The following NTM variants were observed in gnomAD, a reference collection of about 807,000 sequenced individuals.
The protein encoded by NTM is IgLON family member 2.
Under a neutral mutation model 42.1 loss-of-function variants are expected in NTM, and 13 were observed. That is an observed-to-expected ratio of 0.31 (90% CI 0.20 to 0.49). The LOEUF is 0.49. Among genes scored for constraint, NTM ranks in the 20% least tolerant of loss-of-function variants. The probability of loss-of-function intolerance (pLI) is 0.99; values close to 1 mark genes in which losing one functional copy is unlikely to be tolerated. For synonymous variants in NTM, 187 were observed against 179.2 expected (o/e 1.04, Z -0.35); for missense variants, 373 against 452.8 (o/e 0.82, Z 1.60).
At chr11:131,969,997 C>T (rs978198367) in intron 2 of NTM, among the ~76,000 whole-genome samples, 3 of 152,116 alleles carry the variant, frequency 2.0e-5, no homozygotes, top group African/African-American at 7.2e-5. Context: ...TTTTTATGGA[C>T]ATGACGTCTC....
At chr11:131,381,413 G>A (rs1018058464) in intron 1 of NTM, among the ~76,000 whole-genome samples, 3 of 152,130 alleles carry the variant, frequency 2.0e-5, no homozygotes, top group Non-Finnish European at 4.4e-5. Flanking sequence ...GGTGATACAC[G>A]AATATTTATA....
chr11:131,990,859 T>A (rs2066895226), intron 2 of NTM, among the ~76,000 whole-genome samples: 1 of 152,194 alleles, frequency 6.6e-6, no homozygotes, highest in Non-Finnish European at 1.5e-5. Flanking sequence ...TCCACATATA[T>A]GTTCTATTAA....
chr11:132,250,994 G>A (rs985910957), intron 4 of NTM, among the ~76,000 whole-genome samples: 1 of 152,148 alleles, frequency 6.6e-6, no homozygotes, highest in Non-Finnish European at 1.5e-5. Context: ...TAAAATGAAA[G>A]CACCTTCCCT....
intron 1 of NTM, among the ~76,000 whole-genome samples, chr11:131,784,796 A>T (rs2088838751): frequency 6.6e-6 from 1 of 152,238 alleles, no homozygotes; most frequent in African/African-American, 2.4e-5. Flanking sequence ...TAGAGAGTTC[A>T]CAATCGTTCT....
chr11:132,181,955 T>TTTTTTATTA (rs375282575), intron 3 of NTM, among the ~76,000 whole-genome samples: 1 of 141,018 alleles, frequency 7.1e-6, no homozygotes, highest in Non-Finnish European at 1.5e-5. Flanking sequence ...CACTATCTAG[T>TTTTTTATTA]TTATTATTAT....
chr11:131,492,557 C>T (rs549884699), intron 1 of NTM, among the ~76,000 whole-genome samples: 7 of 152,290 alleles, frequency 4.6e-5, no homozygotes, highest in African/African-American at 1.7e-4. Flanking sequence ...CACACTCTCT[C>T]CTGCACAAGC....
intron 1 of NTM, among the ~76,000 whole-genome samples, chr11:131,648,842 C>T (rs531956958): frequency 6.6e-6 from 1 of 152,264 alleles, no homozygotes; most frequent in Non-Finnish European, 1.5e-5. Context: ...TCATATATTG[C>T]ATATTTCTCT....
At chr11:132,174,117 A>G (rs952845378) in intron 3 of NTM, among the ~76,000 whole-genome samples, 1 of 152,116 alleles carries the variant, frequency 6.6e-6, no homozygotes, top group Admixed American at 6.6e-5. Context: ...GACAAAATTT[A>G]TGTCTTAATG....
chr11:131,430,702 T>G (rs2135907097), intron 1 of NTM, among the ~76,000 whole-genome samples: 1 of 152,366 alleles, frequency 6.6e-6, no homozygotes, highest in African/African-American at 2.4e-5. Context: ...ACTTGTGCTG[T>G]ACCTTATCAC....
intron 2 of NTM, among the ~76,000 whole-genome samples, chr11:132,116,925 G>A (rs530422755): frequency 6.6e-6 from 1 of 152,094 alleles, no homozygotes; most frequent in Non-Finnish European, 1.5e-5. Flanking sequence ...AGGAGCCCAG[G>A]TCGAAGAAAA....
chr11:132,145,479 T>A (rs999016121), intron 2 of NTM, among the ~76,000 whole-genome samples: 6 of 152,150 alleles, frequency 3.9e-5, no homozygotes, highest in African/African-American at 1.4e-4. Context: ...CAGAAAGACA[T>A]GATGAGGACT....
intron 3 of NTM, among the ~76,000 whole-genome samples, chr11:132,194,386 G>T (rs1369583749): frequency 6.6e-6 from 1 of 151,996 alleles, no homozygotes; most frequent in African/African-American, 2.4e-5. Context: ...CTCAATAAAT[G>T]CTGAAAAGGC....
intron 1 of NTM, among the ~76,000 whole-genome samples, chr11:131,478,950 G>C (rs116836484): frequency 6.6e-6 from 1 of 152,172 alleles, no homozygotes; most frequent in Non-Finnish European, 1.5e-5. Context: ...TGGGTTCCAC[G>C]CAGCTCCAGG....
At chr11:131,591,967 C>T (rs532522679) in intron 1 of NTM, among the ~76,000 whole-genome samples, 107 of 152,334 alleles carry the variant, frequency 7.0e-4, no homozygotes, top group Middle Eastern at 3.4e-3. Flanking sequence ...CACAGCCTCA[C>T]CTGCTGGAAA....
intron 4 of NTM, among the ~76,000 whole-genome samples, chr11:132,269,330 T>C (rs2093368509): frequency 1.3e-5 from 2 of 152,146 alleles, no homozygotes; most frequent in Non-Finnish European, 2.9e-5. Flanking sequence ...AGTCTTCCTT[T>C]TGTGCTTCAA....
chr11:131,397,617 T>C (rs1012888298), intron 1 of NTM, among the ~76,000 whole-genome samples: 2 of 152,224 alleles, frequency 1.3e-5, no homozygotes, highest in Non-Finnish European at 2.9e-5. Context: ...TCTCCTGTTC[T>C]GGCATGAGTT....
chr11:131,592,289 T>A (rs1309921337), intron 1 of NTM, among the ~76,000 whole-genome samples: 1 of 152,138 alleles, frequency 6.6e-6, no homozygotes, highest in Non-Finnish European at 1.5e-5. Flanking sequence ...TGAGAAGCTT[T>A]GAGCATGTAA....
At chr11:131,494,637 C>G (rs1430058242) in intron 1 of NTM, among the ~76,000 whole-genome samples, 2 of 152,116 alleles carry the variant, frequency 1.3e-5, no homozygotes, top group Admixed American at 6.5e-5. Context: ...CATGGTCTGG[C>G]AAAATATCTT....
At chr11:131,461,411 A>C (rs1209561898) in intron 1 of NTM, among the ~76,000 whole-genome samples, 2 of 152,240 alleles carry the variant, frequency 1.3e-5, no homozygotes, top group Non-Finnish European at 2.9e-5. Context: ...GGTGAAAAGA[A>C]AATTAAAAGA....
Sources: allele counts gnomAD v4.1 joint callset (sites outside exome capture counted in the v4.1 genomes callset), GRCh38; gene constraint gnomAD v4.1.1; transcripts MANE v1.5; gene names NCBI Gene and HGNC (gene_info 2026-07-23, HGNC 2026-07-21).